Variants in RNF216 observed in about 807,000 individuals in gnomAD.
RNF216 encodes ring finger protein 216.
RNF216 carries 72 observed loss-of-function variants against 110.8 expected under a neutral mutation model. The ratio of observed to expected loss-of-function variants is 0.65; its 90% CI spans 0.54 to 0.79. The LOEUF (loss-of-function observed/expected upper bound fraction) is 0.79, where lower values mean the gene tolerates loss of function less well. Among genes scored for constraint, RNF216 ranks in the 30% least tolerant of loss-of-function variants. The pLI is 0.00. For missense variants in RNF216, 1,342 were observed against 1,141.2 expected, an observed-to-expected ratio of 1.18 and a Z score of -2.54; for synonymous variants, 495 against 407.5, an observed-to-expected ratio of 1.21 and a Z score of -2.59.
rs1412149997 is a variant in RNF216 at position 5,641,319 on chromosome 7, G to A, written c.2217C>T (p.Leu739=). The change falls in exon 15 of 17, where the codon CTC becomes CTT. Residue 739 remains leucine, a synonymous_variant. Transcript: ENST00000389902. ...IRKCHKCGTG[L]IKSEGCNRMS... ...TGCGGTTGCAGCCTTCAGATTTGAT[G>A]AGGCCAGTCCCACACTTGTGGCATT... 1.2e-6 allele frequency: 2 copies of A among 1,614,186 alleles called. No homozygotes were observed. The highest frequency in any genetic ancestry group is 2.2e-5 in the East Asian group (1 of 44,890).
At position 5,622,876 on chromosome 7, in the gene RNF216, G is replaced by A. The variant is rs771029566; in HGVS notation, c.2756C>T (p.Pro919Leu). ...TCGGGGCCATCAGAAGCGATGCCGC[G>A]GCTGGGGGCCAAAGTGCATGGGCAG... is the stretch of plus-strand genomic sequence containing the variant. ...HNLPMHFGPQ[P>L]RHRF Residue 919 changes from proline (P) to leucine (L), a missense_variant, in exon 17 of 17, where the codon CCG (proline) becomes CTG (leucine). Transcript: ENST00000389902. 39 of 1,602,502 alleles carry A rather than the reference G, an allele frequency of 2.4e-5. No homozygotes were observed. The highest frequency in any genetic ancestry group is 6.7e-5 in the Admixed American group (4 of 59,722).
chr7:5,654,685 TC>T (rs1788618097), intron 13 of RNF216, among the ~76,000 whole-genome samples: 1 of 16,274 alleles, frequency 6.1e-5, no homozygotes, highest in Non-Finnish European at 1.1e-4. Flanking sequence ...AGACTCCGCC[TC>T]AAAAAAAAAA....
At chr7:5,769,556 C>T (rs1281582544) in intron 1 of RNF216, among the ~76,000 whole-genome samples, 1 of 151,746 alleles carries the variant, frequency 6.6e-6, no homozygotes, top group Non-Finnish European at 1.5e-5. Flanking sequence ...AACGCTGTCT[C>T]TACCAACAAA....
At chr7:5,779,558 G>C (rs1425943768) in intron 1 of RNF216, among the ~76,000 whole-genome samples, 1 of 151,544 alleles carries the variant, frequency 6.6e-6, no homozygotes, top group Non-Finnish European at 1.5e-5. Flanking sequence ...AGAATGTTCT[G>C]GCAGAGCACG....
intron 13 of RNF216, among the ~76,000 whole-genome samples, chr7:5,701,211 T>C (rs1791947253): frequency 6.6e-6 from 1 of 152,160 alleles, no homozygotes; most frequent in African/African-American, 2.4e-5. Context: ...TTATAGAATG[T>C]ATCAGTTAGC....
In RNF216 at chr7:5,652,388, AG is replaced by A. The variant is rs777190926; in HGVS notation, c.2159+24del. ...ATGGGGAAGTTGAGAATCAGCCCAT[AG>A]CCCCTCTGAATTCTGTTACTCACAT... On this transcript the variant is annotated intron_variant, in intron 14 of 16. Coordinates refer to ENST00000389902, the MANE Select transcript of RNF216 (RefSeq NM_207111.4). 1.2e-4 allele frequency: 179 copies of A among 1,513,090 alleles called. 1 individual carries two copies. The African/African-American group carries it at 2.3e-3, about 19-fold the overall frequency. The allele number at this position is 1,513,090 out of a possible 1,614,324, so 93.7% of individuals were successfully genotyped here.
At chr7:5,690,308 C>T (rs892308913) in intron 13 of RNF216, among the ~76,000 whole-genome samples, 1 of 129,620 alleles carries the variant, frequency 7.7e-6, no homozygotes, top group East Asian at 2.1e-4. Context: ...GCCTGGGCAA[C>T]AAGAGTGAAA....
At chr7:5,732,595 T>C (rs146020484) in intron 5 of RNF216, among the ~76,000 whole-genome samples, 1,726 of 152,324 alleles carry the variant, frequency 0.011, 14 homozygotes, top group Admixed American at 0.019. Flanking sequence ...ACTGTCAAAA[T>C]TCATTTCTAG....
At chr7:5,711,371 T>C (rs572498205) in intron 13 of RNF216, among the ~76,000 whole-genome samples, 1 of 152,342 alleles carries the variant, frequency 6.6e-6, no homozygotes, top group South Asian at 2.1e-4. Context: ...CGTTTGGACT[T>C]TGAAAATGGC....
At chr7:5,626,431 A>C (rs1337516516) in intron 15 of RNF216, among the ~76,000 whole-genome samples, 1 of 152,054 alleles carries the variant, frequency 6.6e-6, no homozygotes, top group African/African-American at 2.4e-5. Context: ...AAAAAAGAAA[A>C]AAAGAAATGA....
chr7:5,752,255 T>C (rs1795371802), intron 3 of RNF216, among the ~76,000 whole-genome samples: 1 of 151,886 alleles, frequency 6.6e-6, no homozygotes, highest in Non-Finnish European at 1.5e-5. Flanking sequence ...AAATATAAAA[T>C]AACCAAGAAA....
At position 5,729,737 on chromosome 7, in the gene RNF216, C is replaced by G. The variant is rs569275349; in HGVS notation, c.1225-141G>C. On this transcript the variant is annotated intron_variant, in intron 6 of 16. Coordinates refer to ENST00000389902, the MANE Select transcript of RNF216 (RefSeq NM_207111.4). Reference sequence around the variant, plus strand: ...TAAGGAAGTTACCAGCCCTATAAGACAGATGAGAAAACGGTGGCTCAGAGA... The same window carrying G: ...TAAGGAAGTTACCAGCCCTATAAGAGAGATGAGAAAACGGTGGCTCAGAGA... The G allele has an allele frequency of 1.8e-4, 133 of 734,984 alleles. No homozygotes were observed. The African/African-American group carries it at 2.1e-3, about 11-fold the overall frequency. The allele number at this position is 734,984 out of a possible 1,614,324, so 45.5% of individuals were successfully genotyped here. A position where few individuals can be genotyped will look rare whatever the true frequency, so the allele number is the denominator to read the frequency against.
In RNF216 at chr7:5,622,718, G is replaced by T; in HGVS notation, c.*142C>A. 2 of 790,822 alleles carry T rather than the reference G, an allele frequency of 2.5e-6. No homozygotes were observed. The highest frequency in any genetic ancestry group is 4.0e-6 in the Non-Finnish European group (2 of 495,682). 49.0% of individuals were successfully genotyped at this position (790,822 alleles called of 1,614,324 possible). ...TCTTCCAGGAGCAGTAGCCCTTCTA[G>T]GAAAGGGGTGGGAAGAAAACCAGCC... On this transcript the variant is annotated 3_prime_UTR_variant, in exon 17 of 17. Transcript: ENST00000389902.
intron 3 of RNF216, 68 bp downstream of exon 3, chr7:5,752,778 A>G: frequency 6.4e-7 from 1 of 1,555,828 alleles, no homozygotes; most frequent in Admixed American, 1.8e-5. Flanking sequence ...CAAGGCCCAC[A>G]AGAGTGGCTG....
In RNF216 at chr7:5,672,409, A is replaced by C. The variant is rs531945216; in HGVS notation, c.2062-19899T>G. 2.0e-5 allele frequency among the ~76,000 whole-genome samples: 3 copies of C among 152,320 alleles called. No individual in the cohort carries two copies. The South Asian group carries it at 6.2e-4, about 32-fold the overall frequency. On this transcript the variant is annotated intron_variant, in intron 13 of 16. Coordinates refer to ENST00000389902, the MANE Select transcript of RNF216 (RefSeq NM_207111.4). ...GCCAAGTTGGAGAGTTATGTTTGTT[A>C]AATTTAATAACAAGAAGTGAAGCAA... is the stretch of plus-strand genomic sequence containing the variant.
rs1786472149 is a variant in RNF216 at position 5,622,958 on chromosome 7, G to C, written c.2674C>G (p.Pro892Ala). The C allele has an allele frequency of 1.2e-6, 2 of 1,613,952 alleles. No homozygotes were observed. Among genetic ancestry groups the C allele is most frequent in the East Asian group, 2.2e-5 (1 of 44,890 alleles). ...AAGTCATAGTTGACCCGCACGTTGG[G>C]CAGAGGGGGCACGTACGGGGCTGGG... is the stretch of plus-strand genomic sequence containing the variant. ...PIPAPYVPPLPNVRVNYDFGP... is the reference protein window; with the variant it reads ...PIPAPYVPPLANVRVNYDFGP... The change falls in exon 17 of 17, where the codon CCC becomes GCC. Residue 892 changes from proline to alanine, a missense_variant. Coordinates refer to ENST00000389902, the MANE Select transcript of RNF216 (RefSeq NM_207111.4).
At chr7:5,652,296 C>G in intron 14 of RNF216, 117 bp downstream of exon 14, 1 of 732,532 alleles carries the variant, frequency 1.4e-6, no homozygotes, top group Non-Finnish European at 2.5e-6. Flanking sequence ...CAAGATCACT[C>G]CAGACTGGGG....
intron 13 of RNF216, among the ~76,000 whole-genome samples, chr7:5,691,045 A>G (rs1791304739): frequency 6.6e-6 from 1 of 152,148 alleles, no homozygotes; most frequent in Admixed American, 6.5e-5. Flanking sequence ...GTCTCTTCCC[A>G]GCTCACACAG....
intron 13 of RNF216, among the ~76,000 whole-genome samples, chr7:5,659,683 A>G (rs934920730): frequency 5.9e-5 from 9 of 152,210 alleles, no homozygotes; most frequent in Admixed American, 5.2e-4. Flanking sequence ...GGCCAAGTAA[A>G]TAACTTCTAG....
Sources: gnomAD v4.1 joint callset for allele counts (sites outside exome capture counted in the v4.1 genomes callset) on GRCh38, gnomAD v4.1.1 for gene constraint, MANE v1.5 for transcripts, NCBI Gene and HGNC (gene_info 2026-07-23, HGNC 2026-07-21) for gene names.